The following CD82 variants were observed in gnomAD, a reference collection of about 807,000 sequenced individuals.
CD82 encodes CD82 antigen.
CD82 carries 36 observed loss-of-function variants against 37.4 expected under a neutral mutation model. The ratio of observed to expected loss-of-function variants is 0.96; its 90% confidence interval spans 0.74 to 1.27. The LOEUF (loss-of-function observed/expected upper bound fraction) is 1.27, where lower values mean the gene tolerates loss of function less well. Among genes scored for constraint, CD82 ranks in the 50% most tolerant of loss-of-function variants. The pLI is 0.00. For synonymous variants in CD82, 158 were observed against 137.4 expected (o/e 1.15, Z -1.05); for missense variants, 340 against 347.0 (o/e 0.98, Z 0.16).
intron 1 of CD82, among the ~76,000 whole-genome samples, chr11:44,578,796 C>G (rs1852937578): frequency 6.6e-6 from 1 of 152,202 alleles, no homozygotes; most frequent in Admixed American, 6.5e-5. Flanking sequence ...GATTTCCACC[C>G]TGCATTAGGA....
At chr11:44,581,478 G>A (rs1313175635) in intron 1 of CD82, among the ~76,000 whole-genome samples, 1 of 152,224 alleles carries the variant, frequency 6.6e-6, no homozygotes, top group Non-Finnish European at 1.5e-5. Flanking sequence ...TTAAACACTT[G>A]AGTCTGTGTT....
Position 44,571,308 on chromosome 11 carries a change from A to G in CD82, c.-103+5572A>G, listed in dbSNP as rs578055388. Among the ~76,000 whole-genome samples the G allele has an allele frequency of 7.9e-5, 12 of 152,302 alleles. No homozygotes were observed. In the South Asian group the frequency reaches 2.5e-3, roughly 32 times the overall value. ...GGGCTTGGGCCTGGGGGAGTGGGGA[A>G]GAAAGCCTGGGCAAGATCACAGACT... On this transcript the variant is annotated intron_variant, in intron 1 of 9. Transcript: ENST00000227155.
chr11:44,591,106 TCTC>T (rs1039457904), intron 2 of CD82, among the ~76,000 whole-genome samples: 19 of 152,154 alleles, frequency 1.2e-4, no homozygotes, highest in African/African-American at 4.3e-4. Context: ...ATCAGCACCT[TCTC>T]CTCCCTCGGG....
At chr11:44,585,545 T>C (rs1853041574) in intron 1 of CD82, among the ~76,000 whole-genome samples, 1 of 152,200 alleles carries the variant, frequency 6.6e-6, no homozygotes, top group Non-Finnish European at 1.5e-5. Context: ...TGATGGCGAT[T>C]CATCTTCATG....
intron 6 of CD82, among the ~76,000 whole-genome samples, chr11:44,613,959 G>A (rs1399328474): frequency 6.6e-6 from 1 of 152,116 alleles, no homozygotes; most frequent in East Asian, 1.9e-4. Context: ...TTGGGAAGGG[G>A]TGAGGGAGGA....
intron 1 of CD82, among the ~76,000 whole-genome samples, chr11:44,581,965 TCA>T (rs1852985854): frequency 6.6e-6 from 1 of 152,238 alleles, no homozygotes; most frequent in African/African-American, 2.4e-5. Context: ...TGCTCTGATT[TCA>T]CAGTCCTGGG....
chr11:44,570,057 G>A (rs1467039435), intron 1 of CD82, among the ~76,000 whole-genome samples: 3 of 152,154 alleles, frequency 2.0e-5, no homozygotes, highest in Non-Finnish European at 2.9e-5. Flanking sequence ...AGGCCCCCAG[G>A]GACACTCCCA....
chr11:44,582,911 G>T (rs1269166345), intron 1 of CD82, among the ~76,000 whole-genome samples: 1 of 152,194 alleles, frequency 6.6e-6, no homozygotes, highest in Non-Finnish European at 1.5e-5. Flanking sequence ...TTCTCAACGT[G>T]TATCATGATG....
chr11:44,595,089 C>A (rs1853202854), intron 3 of CD82: 2 of 252,376 alleles, frequency 7.9e-6, no homozygotes, highest in African/African-American at 4.4e-5. Context: ...TGTCCTGGCC[C>A]CCACCCTGCC....
At chr11:44,595,802 G>A (rs1041013572) in intron 3 of CD82, among the ~76,000 whole-genome samples, 1 of 149,962 alleles carries the variant, frequency 6.7e-6, no homozygotes, top group African/African-American at 2.5e-5. Flanking sequence ...AGACATGGTA[G>A]GTCTTGCCTG....
chr11:44,564,683 C>T (rs543032518), upstream of CD82, among the ~76,000 whole-genome samples: 1 of 152,178 alleles, frequency 6.6e-6, no homozygotes, highest in Non-Finnish European at 1.5e-5. Flanking sequence ...CTATTCTCAT[C>T]AACCCACACC....
rs368613608 is a variant in CD82 at position 44,615,290 on chromosome 11, G to A, written c.355G>A (p.Gly119Ser). ...CCTGCAGCTGAAGCAGGAGATGGGC[G>A]GCATCGTGACTGAGCTCATTCGAGA... ...NMGKLKQEMG[G>S]IVTELIRDYN... The change falls in exon 7 of 10, where the codon GGC becomes AGC. Residue 119 changes from glycine to serine, a missense_variant. Physicochemically the swap from Gly to Ser is moderately conservative, Grantham distance 56. Coordinates refer to ENST00000227155, the MANE Select transcript of CD82 (RefSeq NM_002231.4). The A allele has an allele frequency of 3.0e-5, 48 of 1,611,950 alleles. No individual in the cohort carries two copies. In the East Asian group the frequency reaches 6.2e-4, roughly 21 times the overall value.
intron 2 of CD82, among the ~76,000 whole-genome samples, chr11:44,593,667 A>G (rs1000598963): frequency 1.3e-5 from 2 of 152,196 alleles, no homozygotes; most frequent in Admixed American, 6.5e-5. Context: ...TGTGTGTCCA[A>G]TCTTAGAGTA....
At chr11:44,574,385 G>C (rs1852858555) in intron 1 of CD82, among the ~76,000 whole-genome samples, 1 of 152,172 alleles carries the variant, frequency 6.6e-6, no homozygotes, top group Non-Finnish European at 1.5e-5. Context: ...GATAGAATCT[G>C]AGCAAACCCA....
intron 2 of CD82, among the ~76,000 whole-genome samples, chr11:44,590,573 T>C (rs1340426520): frequency 1.7e-5 from 2 of 115,508 alleles, no homozygotes; most frequent in Non-Finnish European, 3.3e-5. Context: ...ATTGTGCCTC[T>C]GCCCTCCAGC....
At chr11:44,581,366 G>T (rs1302225118) in intron 1 of CD82, among the ~76,000 whole-genome samples, 1 of 152,202 alleles carries the variant, frequency 6.6e-6, no homozygotes, top group Non-Finnish European at 1.5e-5. Context: ...GATGAGCAGT[G>T]GCTTATCTCA....
intron 3 of CD82, chr11:44,596,969 G>A: frequency 4.4e-6 from 2 of 456,214 alleles, no homozygotes; most frequent in East Asian, 6.9e-5. Context: ...TGGTCATGGA[G>A]GTCAGCAAAG....
intron 1 of CD82, among the ~76,000 whole-genome samples, chr11:44,579,693 T>A (rs1246279900): frequency 6.6e-6 from 1 of 152,046 alleles, no homozygotes; most frequent in African/African-American, 2.4e-5. Context: ...CTGCCAAGTG[T>A]CTGGGCTGGT....
In CD82 at chr11:44,618,661, G is replaced by A; in HGVS notation, c.664G>A (p.Ala222Thr). 1.2e-6 allele frequency: 2 copies of A among 1,612,710 alleles called. No individual in the cohort carries two copies. Among genetic ancestry groups the A allele is most frequent in the Non-Finnish European group, 1.7e-6 (2 of 1,179,916 alleles). Residue 222 changes from alanine (A) to threonine (T), a missense_variant, in exon 9 of 10, where the codon GCG becomes ACG. Physicochemically the swap from Ala to Thr is moderately conservative, Grantham distance 58 (BLOSUM62 0). Coordinates refer to ENST00000227155, the MANE Select transcript of CD82 (RefSeq NM_002231.4). ...GCAGGGCTGCATGGAGAAGGTGCAG[G>A]CGTGGCTGCAGGAGAACCTGGGCAT... is the stretch of plus-strand genomic sequence containing the variant. ...YQEGCMEKVQ[A>T]WLQENLGIIL...
Sources: gnomAD v4.1 joint callset for allele counts (sites outside exome capture counted in the v4.1 genomes callset) on GRCh38, gnomAD v4.1.1 for gene constraint, MANE v1.5 for transcripts, NCBI Gene and HGNC (gene_info 2026-07-23, HGNC 2026-07-21) for gene names.